The following RIMS2 variants were observed in gnomAD, a reference collection of about 807,000 sequenced individuals.
RIMS2 encodes regulating synaptic membrane exocytosis protein 2.
In RIMS2, 59 loss-of-function variants were observed where a neutral mutation model predicts 174.4. The ratio of observed to expected loss-of-function variants is 0.34; its 90% CI spans 0.27 to 0.42. RIMS2 has a LOEUF of 0.42. Among genes scored for constraint, RIMS2 ranks in the 10% least tolerant of loss-of-function variants. RIMS2 has a pLI of 1.00. For synonymous variants in RIMS2, 606 were observed against 572.5 expected (o/e 1.06, Z -0.84); for missense variants, 1,620 against 1,666.3 (o/e 0.97, Z 0.48).
chr8:103,797,339 C>T (rs1027458), intron 3 of RIMS2, among the ~76,000 whole-genome samples: 52 of 152,258 alleles, frequency 3.4e-4, no homozygotes, highest in South Asian at 2.1e-3. Flanking sequence ...TTCTCTTACT[C>T]AATTTCAAAC....
chr8:103,912,696 C>A (rs1203023490), intron 6 of RIMS2, among the ~76,000 whole-genome samples: 17 of 151,868 alleles, frequency 1.1e-4, no homozygotes, highest in Non-Finnish European at 5.9e-5. Context: ...AATAATTATG[C>A]TGGGAGATTA....
chr8:103,991,585 A>G (rs573433786), intron 17 of RIMS2, among the ~76,000 whole-genome samples: 2 of 152,218 alleles, frequency 1.3e-5, no homozygotes, highest in East Asian at 3.9e-4. Context: ...TAGCATTTTA[A>G]TCAATAATAA....
At position 104,010,676 on chromosome 8, in the gene RIMS2, C is replaced by G. The variant is rs139853549; in HGVS notation, c.3045-2766C>G. Among the ~76,000 whole-genome samples the G allele has an allele frequency of 2.4e-3, 370 of 152,140 alleles. 2 individuals are homozygous for G. The highest frequency in any genetic ancestry group is 8.0e-3 in the African/African-American group (331 of 41,516). ...ATAAATAGAGATTAGAAAATATAAA[C>G]TATTCAAAAAATGTAACAGTGATAG... is the stretch of plus-strand genomic sequence containing the variant. On this transcript the variant is annotated intron_variant, in intron 17 of 23. Transcript: ENST00000504942.
intron 19 of RIMS2, among the ~76,000 whole-genome samples, chr8:104,055,352 A>T (rs1427006775): frequency 1.3e-5 from 2 of 152,158 alleles, no homozygotes; most frequent in Non-Finnish European, 2.9e-5. Context: ...TGAGGATAAG[A>T]TGTATATACA....
chr8:103,668,627 T>C (rs2096705343), intron 1 of RIMS2, among the ~76,000 whole-genome samples: 1 of 151,812 alleles, frequency 6.6e-6, no homozygotes, highest in African/African-American at 2.4e-5. Flanking sequence ...TTTTATCTCC[T>C]CCATGGTGAG....
chr8:103,784,078 G>T (rs1291894893), intron 3 of RIMS2, among the ~76,000 whole-genome samples: 1 of 149,472 alleles, frequency 6.7e-6, no homozygotes, highest in East Asian at 2.0e-4. Flanking sequence ...TTTGAGAAGT[G>T]TCTGTTCATG....
intron 19 of RIMS2, among the ~76,000 whole-genome samples, chr8:104,064,444 G>A (rs1429148692): frequency 6.6e-6 from 1 of 151,900 alleles, no homozygotes; most frequent in Non-Finnish European, 1.5e-5. Context: ...TTCTAAAGTA[G>A]AATAAAGGTC....
chr8:103,819,563 G>C (rs755894189), intron 3 of RIMS2: 7 of 1,613,392 alleles, frequency 4.3e-6, no homozygotes, highest in African/African-American at 1.3e-5. Context: ...CATTTTCATG[G>C]GGTTTTTTCA....
chr8:104,090,330 C>T (rs1400000283), intron 19 of RIMS2, among the ~76,000 whole-genome samples: 1 of 151,656 alleles, frequency 6.6e-6, no homozygotes, highest in Non-Finnish European at 1.5e-5. Flanking sequence ...GCTAACCTGT[C>T]TTTTAAAAAC....
intron 19 of RIMS2, among the ~76,000 whole-genome samples, chr8:104,180,287 C>A (rs886642986): frequency 2.6e-5 from 4 of 151,384 alleles, no homozygotes; most frequent in Admixed American, 1.3e-4. Context: ...CAATTTACAT[C>A]CTCTCAGAGA....
intron 2 of RIMS2, among the ~76,000 whole-genome samples, chr8:103,718,807 A>G (rs985013176): frequency 6.6e-6 from 1 of 152,030 alleles, no homozygotes; most frequent in African/African-American, 2.4e-5. Flanking sequence ...GGCTGGGATT[A>G]CAGGCGCCTG....
chr8:104,090,862 A>G (rs2097642353), intron 19 of RIMS2, among the ~76,000 whole-genome samples: 1 of 151,848 alleles, frequency 6.6e-6, no homozygotes, highest in African/African-American at 2.4e-5. Context: ...AGCTTAGAAT[A>G]GTCTTAATGT....
At chr8:103,831,911 A>T (rs2098828188) in intron 3 of RIMS2, among the ~76,000 whole-genome samples, 1 of 152,224 alleles carries the variant, frequency 6.6e-6, no homozygotes, top group African/African-American at 2.4e-5. Context: ...CCTCAGCTGG[A>T]TCTGTGTGCT....
intron 20 of RIMS2, among the ~76,000 whole-genome samples, chr8:104,245,288 G>A (rs1333963663): frequency 6.6e-6 from 1 of 152,228 alleles, no homozygotes; most frequent in Non-Finnish European, 1.5e-5. Flanking sequence ...TTAATGGCAA[G>A]TTGCTAAAGT....
At chr8:104,175,022 C>A (rs2098870467) in intron 19 of RIMS2, among the ~76,000 whole-genome samples, 1 of 151,540 alleles carries the variant, frequency 6.6e-6, no homozygotes, top group Non-Finnish European at 1.5e-5. Flanking sequence ...TAGTCATTGA[C>A]AAGTAGAGAG....
At chr8:104,095,080 C>A (rs1032798259) in intron 19 of RIMS2, among the ~76,000 whole-genome samples, 3 of 152,016 alleles carry the variant, frequency 2.0e-5, no homozygotes, top group Non-Finnish European at 4.4e-5. Flanking sequence ...CTTGAAAATT[C>A]TTTACCAATA....
chr8:104,019,757 A>C (rs1035617008), intron 19 of RIMS2, among the ~76,000 whole-genome samples: 1 of 152,120 alleles, frequency 6.6e-6, no homozygotes, highest in East Asian at 1.9e-4. Context: ...ATGGAATACT[A>C]TAAGAATGAA....
intron 1 of RIMS2, among the ~76,000 whole-genome samples, chr8:103,606,442 AAGTGT>A (rs1300303503): frequency 1.2e-4 from 19 of 152,038 alleles, no homozygotes; most frequent in Non-Finnish European, 2.5e-4. Flanking sequence ...ATTTTGGAAT[AAGTGT>A]GGTGTGGTGC....
intron 3 of RIMS2, among the ~76,000 whole-genome samples, chr8:103,858,517 A>G (rs113295437): frequency 5.3e-5 from 8 of 151,932 alleles, no homozygotes; most frequent in African/African-American, 1.9e-4. Flanking sequence ...TTCAGAACCT[A>G]GTTACTTAAA....
Sources: allele counts gnomAD v4.1 joint callset (sites outside exome capture counted in the v4.1 genomes callset), GRCh38; gene constraint gnomAD v4.1.1; transcripts MANE v1.5; gene names NCBI Gene and HGNC (gene_info 2026-07-23, HGNC 2026-07-21).